Variants in LONP1 observed in about 807,000 individuals in gnomAD.
LONP1 encodes the protein lon peptidase 1, mitochondrial.
Under a neutral mutation model 98.5 loss-of-function variants are expected in LONP1, and 31 were observed. That is an observed-to-expected ratio of 0.31 (90% CI 0.24 to 0.42). LONP1 has a LOEUF of 0.42. Ranked by LOEUF, LONP1 falls within the 20% of genes least tolerant of loss-of-function variation. The pLI is 1.00. For missense variants in LONP1, 1,336 were observed against 1,350.6 expected (o/e 0.99, Z 0.17); for synonymous variants, 781 against 594.7 (o/e 1.31, Z -4.56).
chr19:5,707,630 T>A lies in LONP1; in HGVS notation c.1062+67A>T. 9.0e-6 allele frequency: 14 copies of A among 1,552,810 alleles called. No homozygotes were observed. In the South Asian group the frequency reaches 1.7e-4, roughly 19 times the overall value. ...GAGGAGGAACGGGGGCAGCCGGGCG[T>A]GGGCGGAGCATAGTGGAGGTGGGGT... On this transcript the variant is annotated intron_variant, in intron 6 of 17. Transcript: ENST00000360614.
Position 5,693,316 on chromosome 19 carries a change from G to A in LONP1, c.2685C>T (p.Ile895=). The A allele has an allele frequency of 6.2e-7, 1 of 1,612,550 alleles. No individual in the cohort carries two copies. Among genetic ancestry groups the A allele is most frequent in the South Asian group, 1.1e-5 (1 of 91,018 alleles). The part of the protein sequence containing the change: ...LTGKILPVGG[I]KEKTIAAKRA... ...CACTCACCGCAATGGTCTTCTCCTT[G>A]ATGCCACCAACAGGCAGGATCTTGC... The change falls in exon 17 of 18, where the codon ATC becomes ATT. Residue 895 remains isoleucine, a synonymous_variant. Coordinates refer to ENST00000360614, the MANE Select transcript of LONP1 (RefSeq NM_004793.4).
At chr19:5,702,645 G>GAGAGA (rs1328166634) in intron 8 of LONP1, among the ~76,000 whole-genome samples, 3 of 152,236 alleles carry the variant, frequency 2.0e-5, no homozygotes, top group Non-Finnish European at 4.4e-5. Flanking sequence ...AAGTAGACAT[G>GAGAGA]AGAGACTTTT....
At position 5,693,442 on chromosome 19, in the gene LONP1, G is replaced by C. The variant is rs941769373; in HGVS notation, c.2559C>G (p.Gly853=). The change falls in exon 17 of 18, where the codon GGC becomes GGG. Residue 853 remains glycine (G), a synonymous_variant. Transcript: ENST00000360614. The part of the protein sequence containing the change: ...HVPEGATPKD[G]PSAGCTIVTA... ...TGACGATGGTGCAGCCTGCGCTTGG[G>C]CCGTCCTTGGGGGTGGCGCCCTGTG... 5.0e-6 allele frequency: 8 copies of C among 1,611,532 alleles called. No individual in the cohort carries two copies. In the African/African-American group the frequency reaches 1.1e-4, roughly 22 times the overall value.
chr19:5,696,348 G>A lies in LONP1; in HGVS notation c.1797C>T (p.Tyr599=). Residue 599 remains tyrosine (Y), a synonymous_variant, in exon 12 of 18, where the codon TAC becomes TAT. Coordinates refer to ENST00000360614, the MANE Select transcript of LONP1 (RefSeq NM_004793.4). ...IDEVDKIGRG[Y]QGDPSSALLE... ...GCAGTGCCGACGACGGGTCCCCCTG[G>A]TAGCCTCGGCCGATCTTGTCCACCT... 1.2e-6 allele frequency: 2 copies of A among 1,613,160 alleles called. No individual in the cohort carries two copies. Among genetic ancestry groups the A allele is most frequent in the Non-Finnish European group, 1.7e-6 (2 of 1,179,850 alleles).
intron 2 of LONP1, 26 bp downstream of exon 2, chr19:5,714,157 G>A (rs752171803): frequency 6.3e-7 from 1 of 1,582,382 alleles, no homozygotes; most frequent in African/African-American, 1.4e-5. Context: ...CCGTCAACAA[G>A]GGAATGAAGG....
intron 6 of LONP1, 46 bp downstream of exon 6, chr19:5,707,651 G>T (rs756954261): frequency 6.3e-7 from 1 of 1,581,132 alleles, no homozygotes; most frequent in Non-Finnish European, 8.6e-7. Flanking sequence ...TAGTGGAGGT[G>T]GGGTGCAGCC....
chr19:5,705,490 T>G (rs1441150838), intron 8 of LONP1, among the ~76,000 whole-genome samples: 1 of 149,186 alleles, frequency 6.7e-6, no homozygotes, highest in Non-Finnish European at 1.5e-5. Context: ...AGCCCTGGCT[T>G]AGAGCCAGGC....
chr19:5,702,229 G>A (rs906565222), intron 8 of LONP1, among the ~76,000 whole-genome samples: 1 of 146,938 alleles, frequency 6.8e-6, no homozygotes, highest in Non-Finnish European at 1.5e-5. Flanking sequence ...CGCCCGGCTA[G>A]CCGCCCCGTC....
intron 2 of LONP1, 34 bp downstream of exon 2, chr19:5,714,149 G>T: frequency 6.4e-7 from 1 of 1,550,854 alleles, no homozygotes; most frequent in Non-Finnish European, 8.9e-7. Context: ...CTAGGGCACC[G>T]TCAACAAGGG....
Position 5,694,399 on chromosome 19 carries a change from A to G in LONP1, c.2308T>C (p.Trp770Arg), listed in dbSNP as rs2054885981. The G allele has an allele frequency of 6.2e-7, 1 of 1,613,212 alleles. No homozygotes were observed. The highest frequency in any genetic ancestry group is 1.7e-5 in the Admixed American group (1 of 60,000). The change falls in exon 15 of 18, where the codon TGG (tryptophan) becomes CGG (arginine). Residue 770 changes from tryptophan (W) to arginine (R), a missense_variant. Trp to Arg is a moderately radical substitution (Grantham distance 101). Coordinates refer to ENST00000360614, the MANE Select transcript of LONP1 (RefSeq NM_004793.4). ...CCACCACGCTCACCCATTGCGGTCC[A>G]GGCCAGCCCCATGACCACGCCGGGC... is the stretch of plus-strand genomic sequence containing the variant. ...TPPGVVMGLA[W>R]TAMGGSTLFV... is the part of the protein sequence containing the mutation.
At chr19:5,715,843 G>C (rs1220127330) in intron 1 of LONP1, among the ~76,000 whole-genome samples, 2 of 151,712 alleles carry the variant, frequency 1.3e-5, no homozygotes, top group Non-Finnish European at 2.9e-5. Flanking sequence ...TATTAGTAGA[G>C]ACGGAGTTTC....
chr19:5,693,611 G>A lies in LONP1; in HGVS notation c.2479C>T (p.Gln827Ter). ...AGGTAGTCATTGGCGGGGGCGTGCT[G>A]CATGAGGAAGGCTCTGGCGAAGGTG... is the stretch of plus-strand genomic sequence containing the variant. ...AYTFARAFLM[Q>*]HAPANDYLVT... The change falls in exon 16 of 18, where the codon CAG becomes TAG. Residue 827 changes from glutamine to a stop codon, truncating the protein, a stop_gained. Transcript: ENST00000360614. LOFTEE classifies it high-confidence loss of function. The A allele has an allele frequency of 6.2e-7, 1 of 1,614,118 alleles. No individual in the cohort carries two copies. The highest frequency in any genetic ancestry group is 8.5e-7 in the Non-Finnish European group (1 of 1,180,002).
chr19:5,711,300 G>A (rs948080079), intron 4 of LONP1, among the ~76,000 whole-genome samples: 5 of 152,238 alleles, frequency 3.3e-5, no homozygotes, highest in South Asian at 4.1e-4. Flanking sequence ...AGGTGGCACC[G>A]CCAAGAGCCT....
At chr19:5,715,668 AAAAAAAAAAAAG>A (rs1348287252) in intron 1 of LONP1, among the ~76,000 whole-genome samples, 9 of 134,498 alleles carry the variant, frequency 6.7e-5, no homozygotes, top group Non-Finnish European at 1.1e-4. Context: ...AAAAAAAAAA[AAAAAAAAAAAAG>A]AAAGTTTCAC....
rs775074338 is a variant in LONP1, at chr19:5,692,044, G to C, written c.2868C>G (p.Ala956=). 4.6e-6 allele frequency: 7 copies of C among 1,517,916 alleles called. No individual in the cohort carries two copies. The highest frequency in any genetic ancestry group is 3.5e-5 in the South Asian group (3 of 85,542). The allele number at this position is 1,517,916 out of a possible 1,614,324, so 94.0% of individuals were successfully genotyped here. The part of the protein sequence containing the change: ...AFPDEQAEAL[A]VER ...CCCGGGGTGGCCGTCACCGTTCCACGGCCAGCGCCTCTGCCTGCTCGTCCG... is the reference window on the plus strand; with the variant it reads ...CCCGGGGTGGCCGTCACCGTTCCACCGCCAGCGCCTCTGCCTGCTCGTCCG... Residue 956 remains alanine, a synonymous_variant, in exon 18 of 18, where the codon GCC becomes GCG. Coordinates refer to ENST00000360614, the MANE Select transcript of LONP1 (RefSeq NM_004793.4).
intron 13 of LONP1, 81 bp downstream of exon 13, chr19:5,695,973 C>T (rs944920786): frequency 6.3e-5 from 82 of 1,296,332 alleles, no homozygotes; most frequent in Non-Finnish European, 8.5e-5. Flanking sequence ...CCAGGAGCTC[C>T]CAGAGGCACG....
At position 5,691,860 on chromosome 19, in the gene LONP1, T is replaced by C. The variant is rs1024573843; in HGVS notation, c.*172A>G. 11 of 815,622 alleles carry C rather than the reference T, an allele frequency of 1.3e-5. No individual in the cohort carries two copies. The highest frequency in any genetic ancestry group is 7.4e-4 in the Middle Eastern group (2 of 2,700). 50.5% of individuals were successfully genotyped at this position (815,622 alleles called of 1,614,324 possible). ...ACTGCAAATGACTTTAATCATTAAA[T>C]AGCTTCTATGCCACACTCTGATTAA... On this transcript the variant is annotated 3_prime_UTR_variant, in exon 18 of 18. Transcript: ENST00000360614.
chr19:5,705,741 A>G (rs1437957888), intron 8 of LONP1, 31 bp downstream of exon 8: 2 of 1,605,554 alleles, frequency 1.2e-6, no homozygotes, highest in Admixed American at 3.3e-5. Flanking sequence ...GGGTCACCTG[A>G]GGGCTGGGCC....
chr19:5,718,187 A>G (rs909480081), intron 1 of LONP1, among the ~76,000 whole-genome samples: 3 of 152,086 alleles, frequency 2.0e-5, no homozygotes, highest in Middle Eastern at 3.4e-3. Context: ...CATCAAGGAA[A>G]GGCCTTGGGG....
Sources: allele counts gnomAD v4.1 joint callset (sites outside exome capture counted in the v4.1 genomes callset), GRCh38; gene constraint gnomAD v4.1.1; transcripts MANE v1.5; gene names NCBI Gene and HGNC (gene_info 2026-07-23, HGNC 2026-07-21).